The following TBK1 variants were observed in gnomAD, a reference collection of about 807,000 sequenced individuals.
The protein encoded by TBK1 is TANK binding kinase 1.
In TBK1, 37 loss-of-function variants were observed where a neutral mutation model predicts 99.9. The ratio of observed to expected loss-of-function variants is 0.37; its 90% confidence interval spans 0.28 to 0.49. The LOEUF (loss-of-function observed/expected upper bound fraction) is 0.49, where lower values mean the gene tolerates loss of function less well. Ranked by LOEUF, TBK1 falls within the 20% of genes least tolerant of loss-of-function variation. TBK1 has a pLI of 0.98. For missense variants in TBK1, 644 were observed against 872.5 expected (o/e 0.74, Z 3.30); for synonymous variants, 258 against 279.8 (o/e 0.92, Z 0.78).
At position 64,481,835 on chromosome 12, in the gene TBK1, A is replaced by C. The variant is rs376075252; in HGVS notation, c.813-7A>C. Reference sequence around the variant, plus strand: ...ACTCTTCAAGTAACTTTTCAATACTATTTTAGGGGTCTTCAGGTTCTACTT... The same window carrying C: ...ACTCTTCAAGTAACTTTTCAATACTCTTTTAGGGGTCTTCAGGTTCTACTT... On this transcript the variant is annotated splice_polypyrimidine_tract_variant and splice_region_variant and intron_variant, in intron 7 of 20. Coordinates refer to ENST00000331710, the MANE Select transcript of TBK1 (RefSeq NM_013254.4). 8.9e-6 allele frequency: 14 copies of C among 1,566,134 alleles called. No individual in the cohort carries two copies. The highest frequency in any genetic ancestry group is 1.2e-5 in the Non-Finnish European group (14 of 1,159,590).
rs534467437 is a variant in TBK1, at chr12:64,453,145, C to T, written c.-32+958C>T. 2.6e-5 allele frequency among the ~76,000 whole-genome samples: 4 copies of T among 152,168 alleles called. No homozygotes were observed. In the East Asian group the frequency reaches 7.7e-4, roughly 29 times the overall value. On this transcript the variant is annotated intron_variant, in intron 1 of 20. Transcript: ENST00000331710. ...ATATGGCAAGCACGTTGTGGGTGTG[C>T]TGAGTCATGTTTTAACATGTTATTG...
At position 64,460,496 on chromosome 12, in the gene TBK1, A is replaced by G. The variant is rs549446290; in HGVS notation, c.228+167A>G. ...ATATATAGAACAATAGAAATAAAATATCATAAAAATGGAATCAGAAACAGT... is the reference window on the plus strand; with the variant it reads ...ATATATAGAACAATAGAAATAAAATGTCATAAAAATGGAATCAGAAACAGT... On this transcript the variant is annotated intron_variant, in intron 3 of 20. Coordinates refer to ENST00000331710, the MANE Select transcript of TBK1 (RefSeq NM_013254.4). 3.3e-5 allele frequency among the ~76,000 whole-genome samples: 5 copies of G among 152,274 alleles called. No individual in the cohort carries two copies. The South Asian group carries it at 1.0e-3, about 32-fold the overall frequency.
intron 16 of TBK1, 47 bp downstream of exon 16, chr12:64,496,453 G>A (rs376921951): frequency 2.3e-4 from 230 of 998,342 alleles, no homozygotes; most frequent in Non-Finnish European, 3.0e-4. Context: ...TGCTATTTTG[G>A]TTATCTTTAT....
chr12:64,493,109 T>G (rs540709016), intron 13 of TBK1, among the ~76,000 whole-genome samples: 1 of 151,900 alleles, frequency 6.6e-6, no homozygotes, highest in South Asian at 2.1e-4. Flanking sequence ...TTAGCCAGGA[T>G]GGTCTCAATC....
At chr12:64,484,232 C>T in intron 8 of TBK1, 71 bp from the exon 9 acceptor site, 2 of 951,334 alleles carry the variant, frequency 2.1e-6, no homozygotes, top group Non-Finnish European at 1.6e-6. Context: ...GATGTTGTTG[C>T]ACTCATTTAA....
At chr12:64,452,277 C>G (rs1204050783) in intron 1 of TBK1, 90 bp downstream of exon 1, 2 of 152,174 alleles carry the variant, frequency 1.3e-5, no homozygotes, top group African/African-American at 4.8e-5. Context: ...CGCTCCCGCC[C>G]CCTGTGGGAG....
Position 64,460,760 on chromosome 12 carries a change from G to A in TBK1, c.228+431G>A, listed in dbSNP as rs572757157. On this transcript the variant is annotated intron_variant, in intron 3 of 20. Coordinates refer to ENST00000331710, the MANE Select transcript of TBK1 (RefSeq NM_013254.4). ...GAGACAGGAGAATTGCTTGAACCCA[G>A]GAGGCAGAGGTCACAGTGAGCTGAG... Among the ~76,000 whole-genome samples the A allele has an allele frequency of 1.3e-4, 19 of 151,226 alleles. No individual in the cohort carries two copies. In the East Asian group the frequency reaches 3.5e-3, roughly 28 times the overall value.
intron 4 of TBK1, 96 bp downstream of exon 4, chr12:64,464,559 C>G: frequency 1.1e-6 from 1 of 936,206 alleles, no homozygotes; most frequent in South Asian, 2.4e-5. Flanking sequence ...GACCTTTATG[C>G]AATGCTTCAT....
chr12:64,496,914 A>T (rs773979324), intron 16 of TBK1, 35 bp from the exon 17 acceptor site: 1 of 1,416,260 alleles, frequency 7.1e-7, no homozygotes, highest in South Asian at 1.2e-5. Flanking sequence ...AAACAGTGAC[A>T]TTGGTTTAAG....
rs144487028 is a variant in TBK1 at position 64,469,442 on chromosome 12, A to G, written c.540+2360A>G. ...ATCCTTTTGTCTCTTCCTGGGCCTC[A>G]ACATGTGACTGAGTCAACACACATC... On this transcript the variant is annotated intron_variant, in intron 5 of 20. Transcript: ENST00000331710. Among the ~76,000 whole-genome samples the G allele has an allele frequency of 1.6e-3, 243 of 152,218 alleles. 1 individual carries two copies. Among genetic ancestry groups the G allele is most frequent in the African/African-American group, 5.6e-3 (234 of 41,536 alleles).
intron 1 of TBK1, among the ~76,000 whole-genome samples, chr12:64,454,687 T>TC (rs1415327072): frequency 6.8e-6 from 1 of 146,122 alleles, no homozygotes; most frequent in Non-Finnish European, 1.5e-5. Flanking sequence ...TTTTTTTTTT[T>TC]TTTTTTTGAG....
chr12:64,484,333 A>G lies in TBK1; in HGVS notation c.1023A>G (p.Lys341=). 6.2e-7 allele frequency: 1 copy of G among 1,613,486 alleles called. No individual in the cohort carries two copies. Among genetic ancestry groups the G allele is most frequent in the Admixed American group, 1.7e-5 (1 of 59,934 alleles). The change falls in exon 9 of 21, where the codon AAA becomes AAG. Residue 341 remains lysine, a synonymous_variant. Transcript: ENST00000331710. ...CTATATTTCATGAACTGGTATATAA[A>G]CAAACCAAAATTATTTCTTCAAATC... ...TATIFHELVY[K]QTKIISSNQE... is the part of the protein sequence containing the mutation.
At chr12:64,478,623 G>GT (rs2040738112) in intron 6 of TBK1, among the ~76,000 whole-genome samples, 3 of 152,268 alleles carry the variant, frequency 2.0e-5, no homozygotes, top group African/African-American at 7.2e-5. Flanking sequence ...TATAACTTGG[G>GT]TATTTAAGTG....
intron 6 of TBK1, among the ~76,000 whole-genome samples, chr12:64,475,535 A>G (rs1038296579): frequency 6.6e-6 from 1 of 152,226 alleles, no homozygotes; most frequent in Non-Finnish European, 1.5e-5. Flanking sequence ...TGGCGAGACA[A>G]TATGATGGGC....
intron 20 of TBK1, among the ~76,000 whole-genome samples, chr12:64,499,037 C>CTTT (rs763709411): frequency 0.55 from 43,417 of 78,710 alleles, 12,732 homozygotes; most frequent in East Asian, 0.79. Flanking sequence ...TAATTTTATT[C>CTTT]TTTTTTTTTT....
chr12:64,489,979 ATC>A (rs1265279565), intron 12 of TBK1, 60 bp from the exon 13 acceptor site: 34 of 988,224 alleles, frequency 3.4e-5, no homozygotes, highest in South Asian at 3.5e-5. Context: ...TTTATAAAAC[ATC>A]TTTTTAAAAC....
Position 64,466,912 on chromosome 12 carries a change from A to C in TBK1, c.370A>C (p.Asn124His). The change falls in exon 5 of 21, where the codon AAT becomes CAT. Residue 124 changes from asparagine to histidine, a missense_variant. Coordinates refer to ENST00000331710, the MANE Select transcript of TBK1 (RefSeq NM_013254.4). ...TTATATTGTTGAAGTGGGTGGAATG[A>C]ATCATCTACGAGAGAATGGTATAGT... Reference protein sequence around the residue: ...IVLRDVVGGMNHLRENGIVHR... With the variant: ...IVLRDVVGGMHHLRENGIVHR... 2 of 1,573,168 alleles carry C rather than the reference A, an allele frequency of 1.3e-6. No homozygotes were observed. The highest frequency in any genetic ancestry group is 1.7e-6 in the Non-Finnish European group (2 of 1,159,782).
intron 9 of TBK1, among the ~76,000 whole-genome samples, chr12:64,484,953 G>A (rs746321111): frequency 2.0e-5 from 3 of 152,044 alleles, no homozygotes; most frequent in South Asian, 2.1e-4. Context: ...CGATAAAATC[G>A]TTTGTCATAC....
rs780192375 is a variant in TBK1, at chr12:64,484,382, C to T, written c.1072C>T (p.Arg358Cys). ...SNQELIYEGR[R>C]LVLEPGRLAQ... ...TCAAGAACTTATCTACGAAGGGCGA[C>T]GCTTAGTCTTAGAACCTGGAAGGCT... Residue 358 changes from arginine (R) to cysteine (C), a missense_variant, in exon 9 of 21, where the codon CGC (arginine) becomes TGC (cysteine). Physicochemically the swap from Arg to Cys is radical, Grantham distance 180. This residue lies in a region of TBK1 where 465 missense variants were observed against 588.0 expected (regional missense o/e 0.79). Transcript: ENST00000331710. 24 of 1,613,852 alleles carry T rather than the reference C, an allele frequency of 1.5e-5. No homozygotes were observed. Among genetic ancestry groups the T allele is most frequent in the Non-Finnish European group, 1.8e-5 (21 of 1,179,976 alleles).
Sources: gnomAD v4.1 joint callset for allele counts (sites outside exome capture counted in the v4.1 genomes callset) on GRCh38, gnomAD v4.1.1 for gene constraint, gnomAD v4.1.1 regional missense constraint, MANE v1.5 for transcripts, NCBI Gene and HGNC (gene_info 2026-07-23, HGNC 2026-07-21) for gene names.